TAF12: variants seen among roughly 807,000 people sequenced by gnomAD.
TAF12 encodes TATA-box binding protein associated factor 12, also known as transcription initiation factor TFIID subunit 12.
A neutral mutation model predicts 20.8 loss-of-function variants in TAF12; 3 were observed. The ratio of observed to expected loss-of-function variants is 0.14; its 90% CI spans 0.07 to 0.37. TAF12 has a LOEUF of 0.37. Among genes scored for constraint, TAF12 ranks in the 10% least tolerant of loss-of-function variants. The probability of loss-of-function intolerance (pLI) is 1.00; values close to 1 mark genes in which losing one functional copy is unlikely to be tolerated. For missense variants in TAF12, 131 were observed against 197.9 expected (o/e 0.66, Z 2.03); for synonymous variants, 69 against 70.2 (o/e 0.98, Z 0.09).
intron 1 of TAF12, among the ~76,000 whole-genome samples, chr1:28,633,684 G>C (rs1667718251): frequency 6.6e-6 from 1 of 151,648 alleles, no homozygotes; most frequent in African/African-American, 2.4e-5. Context: ...GGCCGAGGTG[G>C]GCAGATCATC....
intron 4 of TAF12, among the ~76,000 whole-genome samples, chr1:28,605,922 G>C (rs1221785985): frequency 6.6e-6 from 1 of 152,108 alleles, no homozygotes; most frequent in East Asian, 1.9e-4. Flanking sequence ...AGGCTCATTT[G>C]CCAGGTTCAA....
chr1:28,618,086 C>A, intron 2 of TAF12, 56 bp from the exon 3 acceptor site: 1 of 1,516,526 alleles, frequency 6.6e-7, no homozygotes, highest in South Asian at 1.2e-5. Context: ...TGAAACAAAT[C>A]ATTACCCTGT....
intron 1 of TAF12, chr1:28,642,622 T>C (rs1668076016): frequency 1.0e-6 from 1 of 984,298 alleles, no homozygotes. Context: ...TTCTGCCTCT[T>C]AGGAGCCCAA....
chr1:28,639,193 G>T (rs1230177339), intron 1 of TAF12, among the ~76,000 whole-genome samples: 1 of 151,640 alleles, frequency 6.6e-6, no homozygotes, highest in Non-Finnish European at 1.5e-5. Context: ...GAGGCAGGCA[G>T]ATCATCTGAG....
intron 1 of TAF12, among the ~76,000 whole-genome samples, chr1:28,634,271 C>T (rs1336666378): frequency 1.3e-5 from 2 of 151,544 alleles, no homozygotes; most frequent in African/African-American, 2.4e-5. Context: ...AAAAAATTAG[C>T]CAGGCGTGGT....
At chr1:28,638,425 G>A (rs1296261324) in intron 1 of TAF12, among the ~76,000 whole-genome samples, 1 of 151,120 alleles carries the variant, frequency 6.6e-6, no homozygotes, top group African/African-American at 2.4e-5. Flanking sequence ...CCAACCTCAG[G>A]TGATCCGCCC....
rs537029433 is a variant in TAF12, at chr1:28,607,408, C to T, written c.362-1948G>A. On this transcript the variant is annotated intron_variant, in intron 4 of 5. Transcript: ENST00000373824. ...TTAGCTGGGCGGGAGTGGTGGGTCA[C>T]GCCTGTAATCCCAGCACTTCGGGAG... Among the ~76,000 whole-genome samples the T allele has an allele frequency of 5.9e-5, 9 of 152,132 alleles. No individual in the cohort carries two copies. In the South Asian group the frequency reaches 1.0e-3, roughly 18 times the overall value.
chr1:28,607,234 A>G (rs1239258293), intron 4 of TAF12, among the ~76,000 whole-genome samples: 3 of 152,250 alleles, frequency 2.0e-5, no homozygotes, highest in African/African-American at 4.8e-5. Context: ...TGTTATTAGT[A>G]TTTGAAAGTG....
At chr1:28,641,793 CAA>C (rs35540210) in intron 1 of TAF12, among the ~76,000 whole-genome samples, 16 of 86,460 alleles carry the variant, frequency 1.9e-4, no homozygotes, top group Admixed American at 4.2e-4. Context: ...GAACCTGTCT[CAA>C]AAAAAAAAAA....
At chr1:28,647,790 C>T (rs1015234504), upstream of TAF12, among the ~76,000 whole-genome samples, 3 of 151,874 alleles carry the variant, frequency 2.0e-5, no homozygotes, top group Admixed American at 2.0e-4. Context: ...AGGAGAATGG[C>T]GTGAACCCAG....
At chr1:28,616,957 T>TA (rs1667061750) in intron 3 of TAF12, among the ~76,000 whole-genome samples, 1 of 147,190 alleles carries the variant, frequency 6.8e-6, no homozygotes, top group East Asian at 2.1e-4. Context: ...CCATCTCTAC[T>TA]AAAAATACAA....
At chr1:28,634,265 A>T (rs1364616357) in intron 1 of TAF12, among the ~76,000 whole-genome samples, 1 of 149,718 alleles carries the variant, frequency 6.7e-6, no homozygotes, top group Admixed American at 6.7e-5. Flanking sequence ...AATACAAAAA[A>T]ATTAGCCAGG....
intron 4 of TAF12, among the ~76,000 whole-genome samples, chr1:28,612,999 A>C (rs1243793098): frequency 6.6e-6 from 1 of 152,234 alleles, no homozygotes; most frequent in Non-Finnish European, 1.5e-5. Flanking sequence ...TCTAAGAGAT[A>C]CTAGGTAGGA....
chr1:28,622,056 A>C lies in TAF12; in HGVS notation c.26T>G (p.Leu9Arg). Residue 9 changes from leucine (L) to arginine (R), a missense_variant, in exon 2 of 6, where the codon CTA (leucine) becomes CGA (arginine). Leu to Arg is a moderately radical substitution (Grantham distance 102). This residue lies in a region of TAF12 where 63 missense variants were observed against 72.1 expected (regional missense o/e 0.87). Transcript: ENST00000373824. ...GGATGAGAAATTGGAGAGGTTGATTAGGGCTGAGGGGCCAAACTGGTTCAT... is the reference window on the plus strand; with the variant it reads ...GGATGAGAAATTGGAGAGGTTGATTCGGGCTGAGGGGCCAAACTGGTTCAT... MNQFGPSA[L>R]INLSNFSSIK... 1.2e-6 allele frequency: 2 copies of C among 1,613,576 alleles called. No individual in the cohort carries two copies. The highest frequency in any genetic ancestry group is 1.7e-6 in the Non-Finnish European group (2 of 1,179,938).
At chr1:28,632,754 G>T (rs1309297293) in intron 1 of TAF12, among the ~76,000 whole-genome samples, 1 of 152,076 alleles carries the variant, frequency 6.6e-6, no homozygotes, top group East Asian at 1.9e-4. Context: ...GAGGTGGGGG[G>T]TGAAATTGTT....
chr1:28,622,022 C>T lies in TAF12; in HGVS notation c.60G>A (p.Pro20=). The T allele has an allele frequency of 6.2e-6, 10 of 1,613,856 alleles. No homozygotes were observed. Among genetic ancestry groups the T allele is most frequent in the Middle Eastern group, 1.7e-4 (1 of 6,038 alleles). The change falls in exon 2 of 6, where the codon CCG becomes CCA. Residue 20 remains proline (P), a synonymous_variant. Transcript: ENST00000373824. ...INLSNFSSIK[P]EPASTPPQGS... ...CTTGTGGAGGGGTGCTGGCTGGTTCCGGTTTTATGGATGAGAAATTGGAGA... is the reference window on the plus strand; with the variant it reads ...CTTGTGGAGGGGTGCTGGCTGGTTCTGGTTTTATGGATGAGAAATTGGAGA...
chr1:28,611,577 C>A (rs368882960), intron 4 of TAF12, among the ~76,000 whole-genome samples: 2 of 151,896 alleles, frequency 1.3e-5, no homozygotes, highest in African/African-American at 4.8e-5. Context: ...GAAAAGGCCA[C>A]GTAAAGACCG....
rs546598249 is a variant in TAF12 at position 28,617,035 on chromosome 1, G to A, written c.246+918C>T. On this transcript the variant is annotated intron_variant, in intron 3 of 5. Coordinates refer to ENST00000373824, the MANE Select transcript of TAF12 (RefSeq NM_005644.4). The stretch of plus-strand genomic sequence containing the variant: ...CTCAGGAGGCTGAGGCAGGAGAATC[G>A]CTTGAACCCAGGAGGCGGAGGTTGC... 1.8e-3 allele frequency among the ~76,000 whole-genome samples: 267 copies of A among 152,110 alleles called. 1 individual carries two copies. The highest frequency in any genetic ancestry group is 6.1e-3 in the African/African-American group (254 of 41,508).
At chr1:28,608,323 C>T (rs1460138456) in intron 4 of TAF12, among the ~76,000 whole-genome samples, 3 of 150,296 alleles carry the variant, frequency 2.0e-5, no homozygotes, top group South Asian at 4.2e-4. Context: ...CCAGCGTGGG[C>T]GATAGAGCAA....
Sources: allele counts gnomAD v4.1 joint callset (sites outside exome capture counted in the v4.1 genomes callset), GRCh38; gene constraint gnomAD v4.1.1; regional missense constraint gnomAD v4.1.1; transcripts MANE v1.5; gene names NCBI Gene and HGNC (gene_info 2026-07-23, HGNC 2026-07-21).